The following CCDC7 variants were observed in gnomAD, a reference collection of about 807,000 sequenced individuals.
CCDC7 encodes coiled-coil domain containing 7, also known as coiled-coil domain-containing protein 7.
A neutral mutation model predicts 196.9 loss-of-function variants in CCDC7; 183 were observed. The observed-to-expected ratio is 0.93, with a 90% CI of 0.82 to 1.05. The LOEUF is 1.05. CCDC7 is among the 50% of genes least tolerant of loss of function. The probability of loss-of-function intolerance (pLI) is 0.00; values close to 1 mark genes in which losing one functional copy is unlikely to be tolerated. For synonymous variants in CCDC7, 525 were observed against 484.6 expected, an observed-to-expected ratio of 1.08 and a Z score of -1.10; for missense variants, 1,540 against 1,482.2, an observed-to-expected ratio of 1.04 and a Z score of -0.64.
At chr10:32,822,450 T>A (rs2090420999) in intron 31 of CCDC7, among the ~76,000 whole-genome samples, 2 of 152,126 alleles carry the variant, frequency 1.3e-5, no homozygotes, top group Admixed American at 1.3e-4. Context: ...AAAATGTAAA[T>A]AAGTGTGTTC....
chr10:32,824,725 A>G (rs949307192), intron 32 of CCDC7, 121 bp downstream of exon 33: 2 of 569,964 alleles, frequency 3.5e-6, no homozygotes, highest in Non-Finnish European at 6.2e-6. Flanking sequence ...GTCTTCATGA[A>G]TTTCCTCCTA....
At chr10:32,732,983 T>A (rs552590027) in intron 28 of CCDC7, among the ~76,000 whole-genome samples, 2 of 152,274 alleles carry the variant, frequency 1.3e-5, no homozygotes, top group East Asian at 1.9e-4. Context: ...ATTGAAAACA[T>A]AACATTTAAC....
At chr10:32,498,905 T>C (rs2043363856) in intron 9 of CCDC7, among the ~76,000 whole-genome samples, 1 of 152,020 alleles carries the variant, frequency 6.6e-6, no homozygotes, top group African/African-American at 2.4e-5. Flanking sequence ...TCGTGTTCTC[T>C]GTATTTCCTG....
At chr10:32,585,157 T>C (rs986631892) in intron 18 of CCDC7, among the ~76,000 whole-genome samples, 2 of 151,828 alleles carry the variant, frequency 1.3e-5, no homozygotes, top group African/African-American at 4.8e-5. Context: ...CACTGCAAGC[T>C]CCGCCTCCCG....
rs113353807 is a variant in CCDC7 at position 32,610,029 on chromosome 10, AGT to A, written c.1802-24199_1802-24198del. On this transcript the variant is annotated intron_variant, in intron 18 of 41. Coordinates refer to ENST00000639629, the Ensembl canonical transcript of CCDC7. ...TTTTTTTTGCGTATGTGTATGTATG[AGT>A]GTGTGTGTGTGTGTGTGTGTGTGTG... 5.9e-3 allele frequency among the ~76,000 whole-genome samples: 868 copies of A among 146,040 alleles called. 4 individuals are homozygous for A. Among genetic ancestry groups the A allele is most frequent in the African/African-American group, 0.014 (577 of 40,160 alleles).
intron 18 of CCDC7, among the ~76,000 whole-genome samples, chr10:32,611,859 C>T (rs1468562331): frequency 2.6e-5 from 4 of 152,176 alleles, no homozygotes; most frequent in African/African-American, 9.7e-5. Flanking sequence ...AGCATGATGC[C>T]TCTAGCTCTG....
At chr10:32,850,870 T>G (rs10827143) in intron 39 of CCDC7, among the ~76,000 whole-genome samples, 13,760 of 148,750 alleles carry the variant, frequency 0.093, 740 homozygotes, top group South Asian at 0.25. Context: ...CAGAAGACAC[T>G]CCCATTAACA....
chr10:32,726,939 A>C, intron 26 of CCDC7, 107 bp downstream of exon 27: 1 of 671,064 alleles, frequency 1.5e-6, no homozygotes, highest in Non-Finnish European at 2.4e-6. Context: ...ATTTTATGGA[A>C]ATCGTAGACT....
intron 18 of CCDC7, among the ~76,000 whole-genome samples, chr10:32,625,145 G>C (rs966926135): frequency 2.0e-5 from 3 of 151,170 alleles, no homozygotes; most frequent in African/African-American, 7.3e-5. Context: ...ACGTTTTATG[G>C]TATTATGCTT....
intron 13 of CCDC7, among the ~76,000 whole-genome samples, chr10:32,544,894 T>A (rs560562925): frequency 6.9e-4 from 105 of 152,318 alleles, no homozygotes; most frequent in Non-Finnish European, 1.2e-3. Flanking sequence ...AATTTCTTTT[T>A]TTTTGGATTT....
intron 8 of CCDC7, among the ~76,000 whole-genome samples, chr10:32,484,579 T>G (rs2040629613): frequency 6.6e-6 from 1 of 152,204 alleles, no homozygotes; most frequent in Non-Finnish European, 1.5e-5. Context: ...TGTGCCAGTT[T>G]TCAAAGGGAA....
At chr10:32,628,656 A>G (rs1448866502) in intron 18 of CCDC7, among the ~76,000 whole-genome samples, 1 of 151,814 alleles carries the variant, frequency 6.6e-6, no homozygotes, top group Non-Finnish European at 1.5e-5. Flanking sequence ...TTCTCTTAGA[A>G]CTGCTTTTGC....
chr10:32,845,669 A>C, intron 35 of CCDC7, 43 bp downstream of exon 36: 1 of 1,516,120 alleles, frequency 6.6e-7, no homozygotes, highest in Non-Finnish European at 9.1e-7. Context: ...TGGTTTATTT[A>C]TATTCCTGGA....
In CCDC7 at chr10:32,780,494, A is replaced by G. The variant is rs527420686; in HGVS notation, c.3013+1410A>G. Reference sequence around the variant, plus strand: ...ATGATTTGTGATGTTAATGACAGGGATAAGTTAGAGGGTGCTGCATAAGAG... The same window carrying G: ...ATGATTTGTGATGTTAATGACAGGGGTAAGTTAGAGGGTGCTGCATAAGAG... On this transcript the variant is annotated intron_variant, in intron 29 of 41. Coordinates refer to ENST00000639629, the Ensembl canonical transcript of CCDC7. Among the ~76,000 whole-genome samples, 9 of 152,328 alleles carry G rather than the reference A, an allele frequency of 5.9e-5. No homozygotes were observed. In the South Asian group the frequency reaches 1.7e-3, roughly 28 times the overall value.
At chr10:32,581,549 G>A (rs1331033466) in intron 16 of CCDC7, among the ~76,000 whole-genome samples, 3 of 151,988 alleles carry the variant, frequency 2.0e-5, no homozygotes, top group Admixed American at 2.0e-4. Context: ...ATACAGCATT[G>A]CTTGCACACC....
intron 21 of CCDC7, among the ~76,000 whole-genome samples, chr10:32,669,430 A>G (rs951119219): frequency 1.3e-5 from 2 of 152,012 alleles, no homozygotes; most frequent in African/African-American, 4.8e-5. Flanking sequence ...CTCTTCTTCT[A>G]TTTTTTTGAA....
chr10:32,775,629 A>G (rs545027352), intron 28 of CCDC7, among the ~76,000 whole-genome samples: 1 of 152,318 alleles, frequency 6.6e-6, no homozygotes, highest in Non-Finnish European at 1.5e-5. Context: ...TGGGTAAATT[A>G]TCATATTTTC....
intron 16 of CCDC7, among the ~76,000 whole-genome samples, chr10:32,578,862 G>C (rs1190994297): frequency 6.6e-6 from 1 of 152,046 alleles, no homozygotes; most frequent in African/African-American, 2.4e-5. Flanking sequence ...AAATTTATCT[G>C]AATAACAGGG....
chr10:32,688,229 A>G (rs937199961), intron 22 of CCDC7, among the ~76,000 whole-genome samples: 20 of 152,122 alleles, frequency 1.3e-4, no homozygotes, highest in African/African-American at 4.6e-4. Flanking sequence ...TCAAGTTCCT[A>G]TAAACTCCTC....
Sources: allele counts gnomAD v4.1 joint callset (sites outside exome capture counted in the v4.1 genomes callset), GRCh38; gene constraint gnomAD v4.1.1; transcripts MANE v1.5; gene names NCBI Gene and HGNC (gene_info 2026-07-23, HGNC 2026-07-21).